TRIB1: variants seen among roughly 807,000 people sequenced by gnomAD.
The protein encoded by TRIB1 is tribbles pseudokinase 1.
In TRIB1, 12 loss-of-function variants were observed where a neutral mutation model predicts 27.8. The observed-to-expected ratio is 0.43, with a 90% CI of 0.28 to 0.70. The LOEUF is 0.70. Among genes scored for constraint, TRIB1 ranks in the 30% least tolerant of loss-of-function variants. The pLI is 0.18. For missense variants in TRIB1, 475 were observed against 515.8 expected (o/e 0.92, Z 0.77); for synonymous variants, 230 against 224.9 (o/e 1.02, Z -0.20).
Position 125,436,719 on chromosome 8 carries a change from A to G in TRIB1, c.*248A>G. ...AACCCTCACCAACTATCTCTGCTGG[A>G]TTTGGGAGTTCCGCATCTTTTGTGG... On this transcript the variant is annotated 3_prime_UTR_variant, in exon 3 of 3. Coordinates refer to ENST00000311922, the MANE Select transcript of TRIB1 (RefSeq NM_025195.4). 1 of 561,130 alleles carries G rather than the reference A, an allele frequency of 1.8e-6. No individual in the cohort carries two copies. Among genetic ancestry groups the G allele is most frequent in the Admixed American group, 3.2e-5 (1 of 30,878 alleles). The allele number at this position is 561,130 out of a possible 1,614,324, so 34.8% of individuals were successfully genotyped here.
Position 125,433,293 on chromosome 8 carries a change from A to C in TRIB1, c.361-24A>C. 3 of 1,600,644 alleles carry C rather than the reference A, an allele frequency of 1.9e-6. No individual in the cohort carries two copies. The highest frequency in any genetic ancestry group is 1.7e-6 in the Non-Finnish European group (2 of 1,169,358). ...CTGCCTTTGCTTTTCTAGCCCCCTA[A>C]ACGGGCCCCCCTTCTCTCTACAGGT... On this transcript the variant is annotated intron_variant, in intron 1 of 2. Transcript: ENST00000311922. This position sits in a 1 kb window ranked among gnomAD's most constrained non-coding sequence, Gnocchi z 4.4.
intron 1 of TRIB1, among the ~76,000 whole-genome samples, chr8:125,431,610 C>T (rs973675181): frequency 3.9e-5 from 6 of 152,230 alleles, no homozygotes; most frequent in Non-Finnish European, 8.8e-5. Context: ...CTCTCCACCC[C>T]CCCTCCCCCG....
Position 125,436,559 on chromosome 8 carries a change from A to C in TRIB1, c.*88A>C. ...CAGGCCCTTTGGCGTGGTACCAACC[A>C]GATAATGACTGCATCAGGATGAAAG... is the stretch of plus-strand genomic sequence containing the variant. On this transcript the variant is annotated 3_prime_UTR_variant, in exon 3 of 3. Transcript: ENST00000311922. 1 of 1,265,726 alleles carries C rather than the reference A, an allele frequency of 7.9e-7. No individual in the cohort carries two copies. The highest frequency in any genetic ancestry group is 1.1e-6 in the Non-Finnish European group (1 of 903,096). The allele number at this position is 1,265,726 out of a possible 1,614,324, so 78.4% of individuals were successfully genotyped here. A position where few individuals can be genotyped will look rare whatever the true frequency, so the allele number is the denominator to read the frequency against.
rs1261094864 is a variant in TRIB1 at position 125,433,478 on chromosome 8, G to A, written c.522G>A (p.Arg174=). 1.9e-6 allele frequency: 3 copies of A among 1,614,238 alleles called. No homozygotes were observed. The highest frequency in any genetic ancestry group is 2.5e-6 in the Non-Finnish European group (3 of 1,180,038). Residue 174 remains arginine, a synonymous_variant, in exon 2 of 3, where the codon CGG becomes CGA. Transcript: ENST00000311922. This position sits in a 1 kb window ranked among gnomAD's most constrained non-coding sequence, Gnocchi z 4.4. ...FGDMHSYVRS[R]KRLREEEAAR... is the part of the protein sequence containing the mutation. ...ACATGCACTCCTATGTGCGAAGCCG[G>A]AAGAGGCTGCGGGAAGAGGAAGCCG...
chr8:125,436,569 T>C lies in TRIB1; in HGVS notation c.*98T>C. 2 of 1,164,364 alleles carry C rather than the reference T, an allele frequency of 1.7e-6. No individual in the cohort carries two copies. The highest frequency in any genetic ancestry group is 4.5e-5 in the Admixed American group (2 of 44,234). 72.1% of individuals were successfully genotyped at this position (1,164,364 alleles called of 1,614,324 possible). A position where few individuals can be genotyped will look rare whatever the true frequency, so the allele number is the denominator to read the frequency against. On this transcript the variant is annotated 3_prime_UTR_variant, in exon 3 of 3. Coordinates refer to ENST00000311922, the MANE Select transcript of TRIB1 (RefSeq NM_025195.4). ...GGCGTGGTACCAACCAGATAATGAC[T>C]GCATCAGGATGAAAGCTGCTGAACT...
rs1285239109 is a variant in TRIB1 at position 125,437,655 on chromosome 8, C to T, written c.*1184C>T. 1 of 152,338 alleles carries T rather than the reference C, an allele frequency of 6.6e-6. No individual in the cohort carries two copies. The highest frequency in any genetic ancestry group is 1.5e-5 in the Non-Finnish European group (1 of 68,030). The allele number at this position is 152,338 out of a possible 1,614,324, so 9.4% of individuals were successfully genotyped here. ...AGTTGGAAGGAACTTTAAAAATCAT[C>T]CGGTCCAATCTCTTTCCTCTTTCTG... On this transcript the variant is annotated 3_prime_UTR_variant, in exon 3 of 3. Transcript: ENST00000311922.
In TRIB1 at chr8:125,430,900, G is replaced by T. The variant is rs758525866; in HGVS notation, c.-3G>T. On this transcript the variant is annotated 5_prime_UTR_variant, in exon 1 of 3. Coordinates refer to ENST00000311922, the MANE Select transcript of TRIB1 (RefSeq NM_025195.4). ...AGCCGGGGCCACCCCGGCCCAGGAC[G>T]GGATGCGGGTCGGTCCGGTGCGCTC... The T allele has an allele frequency of 2.8e-6, 4 of 1,427,884 alleles. No individual in the cohort carries two copies. Among genetic ancestry groups the T allele is most frequent in the South Asian group, 1.4e-5 (1 of 69,696 alleles). The allele number at this position is 1,427,884 out of a possible 1,614,324, so 88.5% of individuals were successfully genotyped here. A position where few individuals can be genotyped will look rare whatever the true frequency, so the allele number is the denominator to read the frequency against.
rs770673803 is a variant in TRIB1 at position 125,433,430 on chromosome 8, C to G, written c.474C>G (p.Val158=). The G allele has an allele frequency of 5.6e-6, 9 of 1,614,130 alleles. No individual in the cohort carries two copies. Among genetic ancestry groups the G allele is most frequent in the Non-Finnish European group, 7.6e-6 (9 of 1,180,056 alleles). The change falls in exon 2 of 3, where the codon GTC becomes GTG. Residue 158 remains valine (V), a synonymous_variant. Transcript: ENST00000311922. The surrounding 1 kb of genome is among the most constrained non-coding windows in gnomAD (Gnocchi z 4.4). The part of the protein sequence containing the change: ...EVILGETKAY[V]FFEKDFGDMH... ...TCCTTGGGGAAACCAAGGCCTATGT[C>G]TTCTTTGAGAAGGACTTTGGGGACA...
chr8:125,435,904 T>G, intron 2 of TRIB1, 102 bp from the exon 3 acceptor site: 1 of 977,710 alleles, frequency 1.0e-6, no homozygotes, highest in Non-Finnish European at 1.5e-6. Flanking sequence ...ATAGCATTCC[T>G]GGAGCCTTTG....
Position 125,433,251 on chromosome 8 carries a change from C to T in TRIB1, c.361-66C>T, listed in dbSNP as rs908951873. On this transcript the variant is annotated intron_variant, in intron 1 of 2. Transcript: ENST00000311922. This position sits in a 1 kb window ranked among gnomAD's most constrained non-coding sequence, Gnocchi z 4.4. The stretch of plus-strand genomic sequence containing the variant: ...AGGTTGAGAACTTCTGTTCAGCTCC[C>T]TCAGGGGTTTGGGAGGCTGCCTTTG... The T allele has an allele frequency of 5.2e-6, 8 of 1,531,324 alleles. No individual in the cohort carries two copies. In the East Asian group the frequency reaches 9.1e-5, roughly 17 times the overall value. The allele number at this position is 1,531,324 out of a possible 1,614,324, so 94.9% of individuals were successfully genotyped here. A position where few individuals can be genotyped will look rare whatever the true frequency, so the allele number is the denominator to read the frequency against.
rs1266069049 is a variant in TRIB1, at chr8:125,430,922, G to A, written c.20G>A (p.Arg7His). ...GACGGGATGCGGGTCGGTCCGGTGC[G>A]CTCTGCCATGAGCGGCGCCTCGCAG... MRVGPVRSAMSGASQPR... is the reference protein window; with the variant it reads MRVGPVHSAMSGASQPR... The change falls in exon 1 of 3, where the codon CGC becomes CAC. Residue 7 changes from arginine (R) to histidine (H), a missense_variant. Physicochemically the swap from Arg to His is conservative, Grantham distance 29. Coordinates refer to ENST00000311922, the MANE Select transcript of TRIB1 (RefSeq NM_025195.4). The A allele has an allele frequency of 2.1e-6, 3 of 1,463,076 alleles. No individual in the cohort carries two copies. Among genetic ancestry groups the A allele is most frequent in the South Asian group, 1.3e-5 (1 of 75,186 alleles). The allele number at this position is 1,463,076 out of a possible 1,614,324, so 90.6% of individuals were successfully genotyped here.
rs928588800 is a variant in TRIB1, at chr8:125,433,208, C to T, written c.361-109C>T. The T allele has an allele frequency of 4.2e-6, 5 of 1,203,640 alleles. No individual in the cohort carries two copies. In the African/African-American group the frequency reaches 4.7e-5, roughly 11 times the overall value. 74.6% of individuals were successfully genotyped at this position (1,203,640 alleles called of 1,614,324 possible). A position where few individuals can be genotyped will look rare whatever the true frequency, so the allele number is the denominator to read the frequency against. On this transcript the variant is annotated intron_variant, in intron 1 of 2. Transcript: ENST00000311922. The surrounding 1 kb of genome is among the most constrained non-coding windows in gnomAD (Gnocchi z 4.4). ...GAAAGGAGTAGGTGAATGGAACTTA[C>T]TCACATCCTAAGCCCACAGGTTGAG...
chr8:125,436,802 TC>T lies in TRIB1; in HGVS notation c.*332del, dbSNP rs1814759901. The T allele has an allele frequency of 3.0e-6, 1 of 336,140 alleles. No individual in the cohort carries two copies. Among genetic ancestry groups the T allele is most frequent in the South Asian group, 4.9e-5 (1 of 20,536 alleles). The allele number at this position is 336,140 out of a possible 1,614,324, so 20.8% of individuals were successfully genotyped here. A position where few individuals can be genotyped will look rare whatever the true frequency, so the allele number is the denominator to read the frequency against. ...TCAAGTGTGTAATAAACTTGAGCATTCGAATGGGAGAAAAAGCAAATCGCAC... is the reference window on the plus strand; with the variant it reads ...TCAAGTGTGTAATAAACTTGAGCATTGAATGGGAGAAAAAGCAAATCGCAC... On this transcript the variant is annotated 3_prime_UTR_variant, in exon 3 of 3. Transcript: ENST00000311922.
At chr8:125,435,959 C>T in intron 2 of TRIB1, 47 bp from the exon 3 acceptor site, 1 of 1,528,536 alleles carries the variant, frequency 6.5e-7, no homozygotes, top group South Asian at 1.2e-5. Context: ...CTTTGTTTTT[C>T]ATAGCAGCTG....
At chr8:125,432,320 A>G in intron 1 of TRIB1, 1 of 703,542 alleles carries the variant, frequency 1.4e-6, no homozygotes, top group Non-Finnish European at 1.7e-6. Context: ...TTCTGGGACA[A>G]GCATGTATGT....
At position 125,433,489 on chromosome 8, in the gene TRIB1, G is replaced by A. The variant is rs748516687; in HGVS notation, c.533G>A (p.Arg178Gln). Residue 178 changes from arginine (R) to glutamine (Q), a missense_variant, in exon 2 of 3, where the codon CGG becomes CAG. Coordinates refer to ENST00000311922, the MANE Select transcript of TRIB1 (RefSeq NM_025195.4). The surrounding 1 kb of genome is among the most constrained non-coding windows in gnomAD (Gnocchi z 4.4). ...TATGTGCGAAGCCGGAAGAGGCTGC[G>A]GGAAGAGGAAGCCGCCCGGCTCTTC... Reference protein sequence around the residue: ...HSYVRSRKRLREEEAARLFKQ... With the variant: ...HSYVRSRKRLQEEEAARLFKQ... The A allele has an allele frequency of 3.3e-5, 54 of 1,614,104 alleles. No individual in the cohort carries two copies. Among genetic ancestry groups the A allele is most frequent in the Non-Finnish European group, 4.2e-5 (49 of 1,180,036 alleles).
At position 125,438,275 on chromosome 8, in the gene TRIB1, G is replaced by A. The variant is rs1403108769; in HGVS notation, c.*1804G>A. ...ATACATTATCCGACTAAGGACTCTG[G>A]GCTGGCAGGGCCTTCTGCCGGGAAA... On this transcript the variant is annotated 3_prime_UTR_variant, in exon 3 of 3. Coordinates refer to ENST00000311922, the MANE Select transcript of TRIB1 (RefSeq NM_025195.4). The A allele has an allele frequency of 6.6e-6, 1 of 152,614 alleles. No individual in the cohort carries two copies. Among genetic ancestry groups the A allele is most frequent in the Admixed American group, 6.5e-5 (1 of 15,284 alleles). The allele number at this position is 152,614 out of a possible 1,614,324, so 9.5% of individuals were successfully genotyped here. A position where few individuals can be genotyped will look rare whatever the true frequency, so the allele number is the denominator to read the frequency against.
In TRIB1 at chr8:125,431,274, C is replaced by G; in HGVS notation, c.360+12C>G. 8.0e-7 allele frequency: 1 copy of G among 1,254,064 alleles called. No homozygotes were observed. The highest frequency in any genetic ancestry group is 3.3e-5 in the South Asian group (1 of 30,152). The allele number at this position is 1,254,064 out of a possible 1,614,324, so 77.7% of individuals were successfully genotyped here. On this transcript the variant is annotated intron_variant, in intron 1 of 2. Transcript: ENST00000311922. Reference sequence around the variant, plus strand: ...AGCTGCGCTGCAAGGTAGGCGCTCCCGGGCCAGGACCCGGCTGGGGTCGGG... The same window carrying G: ...AGCTGCGCTGCAAGGTAGGCGCTCCGGGGCCAGGACCCGGCTGGGGTCGGG...
At chr8:125,434,104 C>G (rs1321563903) in intron 2 of TRIB1, among the ~76,000 whole-genome samples, 4 of 152,226 alleles carry the variant, frequency 2.6e-5, no homozygotes, top group African/African-American at 9.6e-5. Context: ...TCTGTAACAT[C>G]ACATTCTCTG....
Sources: allele counts gnomAD v4.1 joint callset (sites outside exome capture counted in the v4.1 genomes callset), GRCh38; gene constraint gnomAD v4.1.1; non-coding constraint Gnocchi (gnomAD v3.1); transcripts MANE v1.5; gene names NCBI Gene and HGNC (gene_info 2026-07-23, HGNC 2026-07-21).